MCF2L2: variants seen among roughly 807,000 people sequenced by gnomAD.
MCF2L2 encodes the protein MCF.2 cell line derived transforming sequence-like 2.
Under a neutral mutation model 150.2 loss-of-function variants are expected in MCF2L2, and 102 were observed. The observed-to-expected ratio is 0.68, with a 90% CI of 0.58 to 0.80. The LOEUF is 0.80. Among genes scored for constraint, MCF2L2 ranks in the 30% least tolerant of loss-of-function variants. The pLI, the probability that MCF2L2 is intolerant of heterozygous loss-of-function variation, is 0.00. For missense variants in MCF2L2, 1,256 were observed against 1,372.8 expected, an observed-to-expected ratio of 0.91 and a Z score of 1.34; for synonymous variants, 465 against 491.3, an observed-to-expected ratio of 0.95 and a Z score of 0.71.
intron 1 of MCF2L2, among the ~76,000 whole-genome samples, chr3:183,422,148 TG>T (rs1473693922): frequency 3.3e-5 from 5 of 152,204 alleles, no homozygotes; most frequent in Admixed American, 3.3e-4. Flanking sequence ...TAACTCTAGT[TG>T]CCTCTTTCCC....
chr3:183,232,592 C>T (rs1264855882), intron 15 of MCF2L2, among the ~76,000 whole-genome samples: 1 of 152,064 alleles, frequency 6.6e-6, no homozygotes, highest in African/African-American at 2.4e-5. Context: ...GATGGATTAT[C>T]TATTAAATGG....
rs777883237 is a variant in MCF2L2 at position 183,427,895 on chromosome 3, C to G, written c.76+7G>C. 6.2e-7 allele frequency: 1 copy of G among 1,613,366 alleles called. No homozygotes were observed. Among genetic ancestry groups the G allele is most frequent in the Non-Finnish European group, 8.5e-7 (1 of 1,179,306 alleles). ...TAAAACGCAGGAAAAATTAAAGCTT[C>G]GTTTACCGACATGAGTGATCACTGT... On this transcript the variant is annotated splice_region_variant and intron_variant, in intron 1 of 29. Coordinates refer to ENST00000328913, the MANE Select transcript of MCF2L2 (RefSeq NM_015078.4).
rs1237349138 is a variant in MCF2L2, at chr3:183,295,393, C to T, written c.1582G>A (p.Ala528Thr). Reference protein sequence around the residue: ...KRQVSLMKLAAKQTRPVQPVA... With the variant: ...KRQVSLMKLATKQTRPVQPVA... ...GGTTGCACTGGACGAGTCTGTTTGG[C>T]TGCCAGTTTCATCAGACTCACTTGC... Residue 528 changes from alanine to threonine, a missense_variant, in exon 13 of 30, where the codon GCC (alanine) becomes ACC (threonine). Transcript: ENST00000328913. The T allele has an allele frequency of 6.2e-7, 1 of 1,613,984 alleles. No individual in the cohort carries two copies. Among genetic ancestry groups the T allele is most frequent in the Non-Finnish European group, 8.5e-7 (1 of 1,179,986 alleles).
At chr3:183,195,666 A>G (rs895384911) in intron 25 of MCF2L2, among the ~76,000 whole-genome samples, 1 of 152,206 alleles carries the variant, frequency 6.6e-6, no homozygotes, top group Non-Finnish European at 1.5e-5. Context: ...ATTCTTTACT[A>G]AAGTGTTGTC....
chr3:183,336,228 T>C (rs764333541), intron 5 of MCF2L2, among the ~76,000 whole-genome samples: 9 of 152,144 alleles, frequency 5.9e-5, no homozygotes, highest in Non-Finnish European at 1.2e-4. Context: ...TATATATATA[T>C]CATATAAGTA....
chr3:183,401,243 T>C (rs1435929741), intron 1 of MCF2L2, among the ~76,000 whole-genome samples: 1 of 152,184 alleles, frequency 6.6e-6, no homozygotes, highest in Non-Finnish European at 1.5e-5. Context: ...TGGTTCCTCA[T>C]GCTTAATGGT....
chr3:183,394,910 C>CA, intron 1 of MCF2L2, among the ~76,000 whole-genome samples: 1 of 152,306 alleles, frequency 6.6e-6, no homozygotes, highest in South Asian at 2.1e-4. Context: ...AGTCGTTTCT[C>CA]AATCTTTTAC....
chr3:183,301,227 C>T (rs1728832633), intron 10 of MCF2L2, among the ~76,000 whole-genome samples: 1 of 152,058 alleles, frequency 6.6e-6, no homozygotes, highest in Admixed American at 6.6e-5. Flanking sequence ...TGCTATTTGC[C>T]AAACACTGTC....
chr3:183,183,534 T>A (rs1721597984), intron 27 of MCF2L2, among the ~76,000 whole-genome samples: 1 of 152,216 alleles, frequency 6.6e-6, no homozygotes, highest in Non-Finnish European at 1.5e-5. Flanking sequence ...CTGAGGGCAG[T>A]CAGACCTGAT....
chr3:183,182,758 TTC>T (rs985649850), intron 27 of MCF2L2: 3 of 152,190 alleles, frequency 2.0e-5, no homozygotes, highest in Admixed American at 1.3e-4. Context: ...AAACTCAGAA[TTC>T]TCAGAACCAG....
chr3:183,320,796 G>C (rs1240505980), intron 6 of MCF2L2, among the ~76,000 whole-genome samples: 1 of 152,208 alleles, frequency 6.6e-6, no homozygotes, highest in Admixed American at 6.5e-5. Context: ...GCTAGGCTAA[G>C]AGGTCTAGCT....
intron 3 of MCF2L2, among the ~76,000 whole-genome samples, chr3:183,355,144 C>T (rs1281161521): frequency 6.6e-6 from 1 of 151,368 alleles, no homozygotes; most frequent in African/African-American, 2.4e-5. Context: ...ACACACTCCA[C>T]CACAACTTTC....
chr3:183,327,074 C>G (rs1265733475), intron 5 of MCF2L2, among the ~76,000 whole-genome samples: 1 of 152,122 alleles, frequency 6.6e-6, no homozygotes, highest in African/African-American at 2.4e-5. Context: ...CACCTGTAAT[C>G]CCAGCACTTT....
chr3:183,311,416 G>C (rs989840513), intron 8 of MCF2L2, among the ~76,000 whole-genome samples: 8 of 152,124 alleles, frequency 5.3e-5, no homozygotes, highest in African/African-American at 1.9e-4. Context: ...AAATCCTAGG[G>C]TGGGAACATG....
chr3:183,219,827 T>C (rs754788773), intron 21 of MCF2L2, 29 bp downstream of exon 21: 43 of 1,450,748 alleles, frequency 3.0e-5, no homozygotes, highest in Admixed American at 1.2e-4. Flanking sequence ...TAGTTAGTTA[T>C]ATAAAATGTA....
chr3:183,366,760 C>T (rs893430138), intron 3 of MCF2L2, among the ~76,000 whole-genome samples: 2 of 152,150 alleles, frequency 1.3e-5, no homozygotes, highest in African/African-American at 4.8e-5. Flanking sequence ...CAGTGAAAAA[C>T]ACTTCCTGGT....
chr3:183,340,789 ACAAATTAGC>A (rs895738883), intron 4 of MCF2L2, among the ~76,000 whole-genome samples: 1 of 152,082 alleles, frequency 6.6e-6, no homozygotes, highest in Non-Finnish European at 1.5e-5. Context: ...CTAAAAATAC[ACAAATTAGC>A]CAAGCGTGGT....
intron 11 of MCF2L2, chr3:183,298,963 G>A (rs1466051970): frequency 6.7e-6 from 1 of 149,432 alleles, no homozygotes; most frequent in Non-Finnish European, 1.5e-5. Context: ...GATGAGGTAA[G>A]CGCCTGGGTG....
rs575056160 is a variant in MCF2L2, at chr3:183,221,396, A to G, written c.2302-1472T>C. Among the ~76,000 whole-genome samples the G allele has an allele frequency of 1.1e-3, 170 of 152,320 alleles. 1 individual carries two copies. Among genetic ancestry groups the G allele is most frequent in the Admixed American group, 4.2e-3 (65 of 15,298 alleles). The stretch of plus-strand genomic sequence containing the variant: ...ATTATCTTATTTCTATAGGTGAGAA[A>G]TCTGAGGCTGAGAGAGGTTAAGTAA... On this transcript the variant is annotated intron_variant, in intron 20 of 29. Coordinates refer to ENST00000328913, the MANE Select transcript of MCF2L2 (RefSeq NM_015078.4).
Sources: gnomAD v4.1 joint callset for allele counts (sites outside exome capture counted in the v4.1 genomes callset) on GRCh38, gnomAD v4.1.1 for gene constraint, MANE v1.5 for transcripts, NCBI Gene and HGNC (gene_info 2026-07-23, HGNC 2026-07-21) for gene names.